BRINP1: variants seen among roughly 807,000 people sequenced by gnomAD.
BRINP1 encodes BMP/retinoic acid inducible neural specific 1.
BRINP1 carries 17 observed loss-of-function variants against 72.9 expected under a neutral mutation model. The observed-to-expected ratio is 0.23, with a 90% CI of 0.16 to 0.35. The LOEUF (loss-of-function observed/expected upper bound fraction) is 0.35, where lower values mean the gene tolerates loss of function less well. BRINP1 is among the 10% of genes least tolerant of loss of function. The probability of loss-of-function intolerance (pLI) is 1.00; values close to 1 mark genes in which losing one functional copy is unlikely to be tolerated. For missense variants in BRINP1, 850 were observed against 1,001.6 expected (o/e 0.85, Z 2.04); for synonymous variants, 418 against 378.5 (o/e 1.10, Z -1.21).
At chr9:119,168,365 C>T in intron 7 of BRINP1, 141 bp from the exon 8 acceptor site, 2 of 600,494 alleles carry the variant, frequency 3.3e-6, no homozygotes, top group South Asian at 3.0e-5. Context: ...GGAAGGGCAT[C>T]GAATATAAAC....
At chr9:119,327,838 T>C (rs1044736662) in intron 1 of BRINP1, among the ~76,000 whole-genome samples, 6 of 152,156 alleles carry the variant, frequency 3.9e-5, no homozygotes, top group Non-Finnish European at 7.3e-5. Flanking sequence ...AGTTCCCTCT[T>C]GGATCTGTTG....
intron 2 of BRINP1, among the ~76,000 whole-genome samples, chr9:119,258,506 T>A (rs550581348): frequency 3.5e-4 from 54 of 152,274 alleles, no homozygotes; most frequent in African/African-American, 1.2e-3. Context: ...ATACACTCCA[T>A]GCACTGGAAC....
chr9:119,270,666 T>C (rs1332449), intron 2 of BRINP1, among the ~76,000 whole-genome samples: 100,598 of 151,962 alleles, frequency 0.66, 34,194 homozygotes, highest in East Asian at 0.91. Context: ...TAACTGACAA[T>C]GAAAGGGGTA....
At chr9:119,348,500 G>T (rs1227747304) in intron 1 of BRINP1, among the ~76,000 whole-genome samples, 5 of 152,202 alleles carry the variant, frequency 3.3e-5, no homozygotes, top group African/African-American at 1.2e-4. Context: ...GGATTCTATG[G>T]TAAGAGTATG....
At chr9:119,247,276 A>C (rs1347372352) in intron 3 of BRINP1, among the ~76,000 whole-genome samples, 1 of 149,620 alleles carries the variant, frequency 6.7e-6, no homozygotes, top group Non-Finnish European at 1.5e-5. Context: ...CTTAATATCT[A>C]ACTGGCAACA....
intron 7 of BRINP1, among the ~76,000 whole-genome samples, chr9:119,169,920 C>T (rs1829381257): frequency 2.0e-5 from 3 of 152,050 alleles, no homozygotes; most frequent in African/African-American, 4.8e-5. Context: ...AGCTGAGGGT[C>T]CTATCTGTTA....
intron 2 of BRINP1, among the ~76,000 whole-genome samples, chr9:119,291,812 C>T (rs1830824669): frequency 6.6e-6 from 1 of 152,230 alleles, no homozygotes; most frequent in South Asian, 2.1e-4. Context: ...TCAAAAAAAG[C>T]AGAGAATTAT....
At chr9:119,196,937 C>T (rs143723785) in intron 7 of BRINP1, among the ~76,000 whole-genome samples, 16 of 152,352 alleles carry the variant, frequency 1.1e-4, no homozygotes, top group African/African-American at 3.4e-4. Context: ...AAAGCATAAT[C>T]ATCCCTCAGC....
At chr9:119,264,250 G>A (rs1345877728) in intron 2 of BRINP1, among the ~76,000 whole-genome samples, 3 of 152,182 alleles carry the variant, frequency 2.0e-5, no homozygotes, top group Non-Finnish European at 2.9e-5. Context: ...GGTAAGACCA[G>A]AGATCTGCAG....
intron 7 of BRINP1, among the ~76,000 whole-genome samples, chr9:119,183,146 C>G (rs991772057): frequency 2.0e-5 from 3 of 152,142 alleles, no homozygotes; most frequent in Non-Finnish European, 4.4e-5. Context: ...CATATGAATA[C>G]AGTACATCCC....
chr9:119,336,815 T>G (rs1474477772), intron 1 of BRINP1, among the ~76,000 whole-genome samples: 1 of 151,474 alleles, frequency 6.6e-6, no homozygotes, highest in East Asian at 1.9e-4. Context: ...CTTGACAGAA[T>G]GGGAGAGAGA....
At chr9:119,255,596 G>C (rs79009459) in intron 2 of BRINP1, among the ~76,000 whole-genome samples, 5,481 of 152,042 alleles carry the variant, frequency 0.036, 328 homozygotes, top group African/African-American at 0.12. Context: ...TCCTTCATAC[G>C]TGCAAAAAAA....
chr9:119,361,173 T>C (rs1831625226), intron 1 of BRINP1, among the ~76,000 whole-genome samples: 1 of 152,184 alleles, frequency 6.6e-6, no homozygotes, highest in African/African-American at 2.4e-5. Context: ...TCATTCAGTC[T>C]ATTCTCCTTA....
chr9:119,236,435 G>A (rs1830192101), intron 5 of BRINP1, among the ~76,000 whole-genome samples: 1 of 152,170 alleles, frequency 6.6e-6, no homozygotes, highest in East Asian at 1.9e-4. Flanking sequence ...ATGAGAAAAG[G>A]TGGGTACTTG....
chr9:119,281,924 A>C (rs1478383418), intron 2 of BRINP1, among the ~76,000 whole-genome samples: 2 of 152,112 alleles, frequency 1.3e-5, no homozygotes, highest in African/African-American at 4.8e-5. Flanking sequence ...GCTTGTTTTC[A>C]TGTTTTGTTC....
At chr9:119,318,226 G>A (rs1030128256) in intron 1 of BRINP1, among the ~76,000 whole-genome samples, 11 of 152,158 alleles carry the variant, frequency 7.2e-5, no homozygotes, top group South Asian at 2.1e-4. Flanking sequence ...AATGTGGTGA[G>A]GACACAAACA....
intron 2 of BRINP1, among the ~76,000 whole-genome samples, chr9:119,269,608 G>C (rs1157545414): frequency 1.3e-5 from 2 of 152,088 alleles, no homozygotes; most frequent in African/African-American, 2.4e-5. Flanking sequence ...AATCCTCAAG[G>C]CTGCCTTATG....
chr9:119,167,550 C>G lies in BRINP1; in HGVS notation c.1820G>C (p.Arg607Pro). 3.1e-6 allele frequency: 5 copies of G among 1,614,104 alleles called. No individual in the cohort carries two copies. Among genetic ancestry groups the G allele is most frequent in the Non-Finnish European group, 4.2e-6 (5 of 1,180,026 alleles). The part of the protein sequence containing the change: ...CYNWTLLLGN[R>P]WKTFFETVHI... ...GACCGTCTCGAAAAATGTTTTCCAC[C>G]GATTGCCCAGCAAAAGAGTCCAGTT... Residue 607 changes from arginine to proline, a missense_variant, in exon 8 of 8, where the codon CGG becomes CCG. Coordinates refer to ENST00000265922, the MANE Select transcript of BRINP1 (RefSeq NM_014618.3). The surrounding 1 kb of genome is among the most constrained non-coding windows in gnomAD (Gnocchi z 4.3).
At position 119,168,041 on chromosome 9, in the gene BRINP1, G is replaced by A. The variant is rs747121134; in HGVS notation, c.1329C>T (p.Asn443=). Residue 443 remains asparagine, a synonymous_variant, in exon 8 of 8, where the codon AAC becomes AAT. Transcript: ENST00000265922. ...TGTTGCAGGAGCCGCAGAGGGAGAT[G>A]TTGGCCAGGCTGCACATGGCGCAGC... ...NNSCAMCSLA[N]ISLCGSCNKG... The A allele has an allele frequency of 2.5e-6, 4 of 1,612,324 alleles. No homozygotes were observed. In the South Asian group the frequency reaches 4.4e-5, roughly 18 times the overall value.
Sources: allele counts gnomAD v4.1 joint callset (sites outside exome capture counted in the v4.1 genomes callset), GRCh38; gene constraint gnomAD v4.1.1; non-coding constraint Gnocchi (gnomAD v3.1); transcripts MANE v1.5; gene names NCBI Gene and HGNC (gene_info 2026-07-23, HGNC 2026-07-21).